The following CALN1 variants were observed in gnomAD, a reference collection of about 807,000 sequenced individuals.
CALN1 encodes the protein calcium-binding protein 8.
A neutral mutation model predicts 30.6 loss-of-function variants in CALN1; 17 were observed. That is an observed-to-expected ratio of 0.56 (90% CI 0.38 to 0.83). CALN1 has a LOEUF of 0.83. CALN1 is among the 40% of genes least tolerant of loss of function. The pLI, the probability that CALN1 is intolerant of heterozygous loss-of-function variation, is 0.00. For synonymous variants in CALN1, 156 were observed against 131.4 expected (o/e 1.19, Z -1.28); for missense variants, 291 against 354.9 (o/e 0.82, Z 1.45).
intron 3 of CALN1, among the ~76,000 whole-genome samples, chr7:72,274,172 G>A (rs1797189505): frequency 6.6e-6 from 1 of 152,096 alleles, no homozygotes; most frequent in African/African-American, 2.4e-5. Context: ...TTAAAGAAAA[G>A]AGGTAAACTT....
At chr7:72,349,435 A>G (rs1271709456) in intron 2 of CALN1, among the ~76,000 whole-genome samples, 1 of 152,144 alleles carries the variant, frequency 6.6e-6, no homozygotes, top group Non-Finnish European at 1.5e-5. Flanking sequence ...CAAGAAAGAT[A>G]AATACAAAAA....
chr7:72,140,184 T>A (rs559292759), intron 3 of CALN1, among the ~76,000 whole-genome samples: 1 of 151,386 alleles, frequency 6.6e-6, no homozygotes, highest in East Asian at 2.0e-4. Context: ...GGCAAGAGGA[T>A]CACTTGAGCC....
At chr7:72,487,780 GAGAA>G in the CALN1 span, among the ~76,000 whole-genome samples, 5 of 108,472 alleles carry the variant, frequency 4.6e-5, no homozygotes, top group African/African-American at 1.5e-4. Flanking sequence ...AAGAAAGAAA[GAGAA>G]AGAAAGAAGA....
intron 2 of CALN1, among the ~76,000 whole-genome samples, chr7:72,286,136 T>C (rs1447865456): frequency 6.6e-6 from 1 of 152,176 alleles, no homozygotes; most frequent in African/African-American, 2.4e-5. Context: ...AGTCAGATAG[T>C]ACAGGGATAA....
At chr7:72,077,796 C>CT (rs1232315415) in intron 4 of CALN1, among the ~76,000 whole-genome samples, 12 of 152,320 alleles carry the variant, frequency 7.9e-5, no homozygotes, top group African/African-American at 2.6e-4. Context: ...ACAAGAGAGG[C>CT]AGTCAGCAAA....
At chr7:72,239,039 T>C (rs1794665716) in intron 3 of CALN1, among the ~76,000 whole-genome samples, 1 of 152,186 alleles carries the variant, frequency 6.6e-6, no homozygotes, top group African/African-American at 2.4e-5. Flanking sequence ...AATCTGTGCC[T>C]TTACAGCCAG....
intron 4 of CALN1, among the ~76,000 whole-genome samples, chr7:72,094,655 A>G (rs1806096745): frequency 6.6e-6 from 1 of 152,152 alleles, no homozygotes; most frequent in South Asian, 2.1e-4. Context: ...CAGTGTTAAT[A>G]AGATGGAGAT....
chr7:72,401,681 C>G (rs1806350724), intron 2 of CALN1, among the ~76,000 whole-genome samples: 1 of 152,060 alleles, frequency 6.6e-6, no homozygotes, highest in Admixed American at 6.6e-5. Flanking sequence ...CAACTCTTGC[C>G]AAAAAATTCC....
At chr7:72,327,866 AAG>A (rs1491369283) in intron 2 of CALN1, among the ~76,000 whole-genome samples, 1 of 152,172 alleles carries the variant, frequency 6.6e-6, no homozygotes, top group Non-Finnish European at 1.5e-5. Flanking sequence ...ATTTGTTTAA[AAG>A]GGGGAAAAAA....
chr7:71,915,644 G>C (rs1329874349), intron 5 of CALN1, among the ~76,000 whole-genome samples: 1 of 152,186 alleles, frequency 6.6e-6, no homozygotes, highest in Non-Finnish European at 1.5e-5. Context: ...TGAGGCAGGA[G>C]AATCACTTGA....
At chr7:71,974,096 T>C (rs1797981806) in intron 5 of CALN1, among the ~76,000 whole-genome samples, 1 of 152,124 alleles carries the variant, frequency 6.6e-6, no homozygotes. Flanking sequence ...AATGATGATC[T>C]TTATTAACTT....
chr7:72,310,713 G>A (rs148275602), intron 2 of CALN1, among the ~76,000 whole-genome samples: 1 of 151,866 alleles, frequency 6.6e-6, no homozygotes, highest in Non-Finnish European at 1.5e-5. Flanking sequence ...AGACCAGCCT[G>A]GTCAACATGA....
intron 4 of CALN1, among the ~76,000 whole-genome samples, chr7:72,079,906 G>C (rs996276664): frequency 1.3e-5 from 2 of 151,864 alleles, no homozygotes; most frequent in African/African-American, 4.8e-5. Context: ...GAGTAGCTGG[G>C]ATTACAGGCA....
intron 5 of CALN1, among the ~76,000 whole-genome samples, chr7:71,935,741 C>CA (rs572723367): frequency 1.5e-3 from 221 of 152,214 alleles, no homozygotes; most frequent in African/African-American, 4.6e-3. Flanking sequence ...AAACAAAAAA[C>CA]AAAAAACATC....
At chr7:72,362,462 G>A (rs979419269) in intron 2 of CALN1, among the ~76,000 whole-genome samples, 25 of 152,078 alleles carry the variant, frequency 1.6e-4, no homozygotes, top group African/African-American at 3.4e-4. Flanking sequence ...ACCCTAGGAG[G>A]GTGATCTTCT....
intron 5 of CALN1, among the ~76,000 whole-genome samples, chr7:72,021,129 G>C (rs529024350): frequency 1.3e-5 from 2 of 152,046 alleles, no homozygotes. Context: ...GAAAAATATA[G>C]CAGGGTATGG....
intron 5 of CALN1, among the ~76,000 whole-genome samples, chr7:71,828,360 A>T (rs1789052251): frequency 6.6e-6 from 1 of 152,118 alleles, no homozygotes; most frequent in South Asian, 2.1e-4. Flanking sequence ...AATCCTGAGA[A>T]CCTATAAATG....
chr7:72,237,930 G>A (rs1210387266), intron 3 of CALN1, among the ~76,000 whole-genome samples: 1 of 152,222 alleles, frequency 6.6e-6, no homozygotes, highest in Non-Finnish European at 1.5e-5. Flanking sequence ...ACTGTTGACA[G>A]CAAATGCATA....
chr7:72,497,002 T>C, the CALN1 span, among the ~76,000 whole-genome samples: 4 of 152,158 alleles, frequency 2.6e-5, no homozygotes, highest in Admixed American at 6.5e-5. Context: ...ACAAAATCCT[T>C]ATGTAAGTAC....
Sources: gnomAD v4.1 joint callset for allele counts (sites outside exome capture counted in the v4.1 genomes callset) on GRCh38, gnomAD v4.1.1 for gene constraint, MANE v1.5 for transcripts, NCBI Gene and HGNC (gene_info 2026-07-23, HGNC 2026-07-21) for gene names.